The following SMCHD1 variants were observed in gnomAD, a reference collection of about 807,000 sequenced individuals.
SMCHD1 encodes structural maintenance of chromosomes flexible hinge domain-containing protein 1.
Under a neutral mutation model 254.7 loss-of-function variants are expected in SMCHD1, and 78 were observed. The ratio of observed to expected loss-of-function variants is 0.31; its 90% CI spans 0.26 to 0.37. SMCHD1 has a LOEUF of 0.37. Ranked by LOEUF, SMCHD1 falls within the 10% of genes least tolerant of loss-of-function variation. The pLI is 1.00. For missense variants in SMCHD1, 1,840 were observed against 2,408.1 expected (o/e 0.76, Z 4.94); for synonymous variants, 766 against 794.9 (o/e 0.96, Z 0.61).
At chr18:2,673,088 T>C (rs1170970483) in intron 3 of SMCHD1, 193 bp from the exon 4 acceptor site, 3 of 985,342 alleles carry the variant, frequency 3.0e-6, no homozygotes, top group East Asian at 2.3e-4. Context: ...AAGTACTGAT[T>C]GATGACTGCT....
Position 2,655,932 on chromosome 18 carries a change from C to A in SMCHD1, c.-144C>A. The stretch of plus-strand genomic sequence containing the variant: ...CTCGCGCCTGCCGCTGCTCGGCCGC[C>A]GCCGCTGACGAGGAGCTGCAGCGCG... On this transcript the variant is annotated 5_prime_UTR_variant, in exon 1 of 48. Coordinates refer to ENST00000320876, the MANE Select transcript of SMCHD1 (RefSeq NM_015295.3). The A allele has an allele frequency of 1.8e-6, 1 of 544,334 alleles. No individual in the cohort carries two copies. The highest frequency in any genetic ancestry group is 2.7e-6 in the Non-Finnish European group (1 of 364,244). The allele number at this position is 544,334 out of a possible 1,614,324, so 33.7% of individuals were successfully genotyped here. A position where few individuals can be genotyped will look rare whatever the true frequency, so the allele number is the denominator to read the frequency against.
intron 5 of SMCHD1, among the ~76,000 whole-genome samples, 168 bp downstream of exon 5, chr18:2,674,313 A>G (rs2073691174): frequency 6.6e-6 from 1 of 152,204 alleles, no homozygotes; most frequent in African/African-American, 2.4e-5. Context: ...TCAGAAATAG[A>G]ACTATGTAAT....
At chr18:2,736,221 G>C (rs1445251979) in intron 25 of SMCHD1, among the ~76,000 whole-genome samples, 3 of 152,142 alleles carry the variant, frequency 2.0e-5, no homozygotes, top group Admixed American at 1.3e-4. Context: ...AAGAATGAAA[G>C]TGGATCCCTA....
chr18:2,705,860 A>C (rs760975616), intron 14 of SMCHD1, 53 bp downstream of exon 14: 1 of 1,104,686 alleles, frequency 9.1e-7, no homozygotes, highest in African/African-American at 1.5e-5. Flanking sequence ...ACACTTTTGC[A>C]TAATTGTTAA....
chr18:2,764,301 G>T (rs1245665816), intron 37 of SMCHD1, among the ~76,000 whole-genome samples: 1 of 152,118 alleles, frequency 6.6e-6, no homozygotes, highest in Admixed American at 6.5e-5. Flanking sequence ...AATGCTGCCT[G>T]CATACCATGT....
At chr18:2,704,102 C>A (rs2074462012) in intron 13 of SMCHD1, among the ~76,000 whole-genome samples, 1 of 151,848 alleles carries the variant, frequency 6.6e-6, no homozygotes. Flanking sequence ...TTTTTAGATT[C>A]AATTTTTAGT....
At chr18:2,773,052 A>G (rs578007058) in intron 41 of SMCHD1, among the ~76,000 whole-genome samples, 56 of 152,320 alleles carry the variant, frequency 3.7e-4, no homozygotes, top group African/African-American at 1.3e-3. Context: ...GGTCTCTCTG[A>G]CTCTAAAGTC....
chr18:2,795,733 T>C (rs1268882733), intron 45 of SMCHD1, among the ~76,000 whole-genome samples: 1 of 152,212 alleles, frequency 6.6e-6, no homozygotes, highest in Non-Finnish European at 1.5e-5. Context: ...AGAAGTAAAC[T>C]TAAGTCAAAC....
chr18:2,669,149 C>T (rs9945886), intron 3 of SMCHD1, among the ~76,000 whole-genome samples: 4,940 of 144,844 alleles, frequency 0.034, 263 homozygotes, highest in African/African-American at 0.11. Context: ...ACTTTAGGAC[C>T]GGCCTGGGGG....
intron 15 of SMCHD1, among the ~76,000 whole-genome samples, chr18:2,707,048 G>A (rs1281619339): frequency 6.6e-6 from 1 of 152,126 alleles, no homozygotes. Flanking sequence ...AACAGCATGG[G>A]GGAAACCATT....
At chr18:2,743,444 G>A (rs1272810603) in intron 28 of SMCHD1, among the ~76,000 whole-genome samples, 2 of 152,050 alleles carry the variant, frequency 1.3e-5, no homozygotes, top group Non-Finnish European at 2.9e-5. Flanking sequence ...CAAACAGAGG[G>A]AAAGAACAAG....
chr18:2,705,058 G>A (rs2074483454), intron 13 of SMCHD1, among the ~76,000 whole-genome samples: 1 of 151,522 alleles, frequency 6.6e-6, no homozygotes, highest in African/African-American at 2.4e-5. Context: ...CTTTCTAGAA[G>A]GTAATCTGAG....
intron 19 of SMCHD1, among the ~76,000 whole-genome samples, chr18:2,721,015 G>A (rs537336865): frequency 7.2e-5 from 11 of 152,256 alleles, no homozygotes; most frequent in Middle Eastern, 3.4e-3. Flanking sequence ...GAGGAGGGTC[G>A]TTGACTAGCA....
Position 2,796,111 on chromosome 18 carries a change from A to G in SMCHD1, c.5878+4A>G. On this transcript the variant is annotated splice_donor_region_variant and intron_variant, in intron 46 of 47. Coordinates refer to ENST00000320876, the MANE Select transcript of SMCHD1 (RefSeq NM_015295.3). ...AAACTAATAGAGGAAAAACTAGGTA[A>G]GTCTTTGCTTTTTGTTAACTTCTAC... 6.5e-7 allele frequency: 1 copy of G among 1,531,808 alleles called. No individual in the cohort carries two copies. The highest frequency in any genetic ancestry group is 8.7e-7 in the Non-Finnish European group (1 of 1,143,272). 94.9% of individuals were successfully genotyped at this position (1,531,808 alleles called of 1,614,324 possible). A position where few individuals can be genotyped will look rare whatever the true frequency, so the allele number is the denominator to read the frequency against.
intron 45 of SMCHD1, among the ~76,000 whole-genome samples, chr18:2,787,833 G>A (rs554016300): frequency 6.6e-6 from 1 of 152,182 alleles, no homozygotes; most frequent in African/African-American, 2.4e-5. Flanking sequence ...TAGCAGCCAT[G>A]CATGACTACT....
In SMCHD1 at chr18:2,789,944, G is replaced by A. The variant is rs566563528; in HGVS notation, c.5719+5323G>A. On this transcript the variant is annotated intron_variant, in intron 45 of 47. Coordinates refer to ENST00000320876, the MANE Select transcript of SMCHD1 (RefSeq NM_015295.3). The stretch of plus-strand genomic sequence containing the variant: ...CACGCCTGTAATCCCAACACTTTGG[G>A]AGGCCGAGGCGGGTGGATCACGAGG... Among the ~76,000 whole-genome samples the A allele has an allele frequency of 1.1e-4, 17 of 152,354 alleles. No individual in the cohort carries two copies. In the South Asian group the frequency reaches 3.3e-3, roughly 30 times the overall value.
intron 5 of SMCHD1, among the ~76,000 whole-genome samples, chr18:2,687,390 G>C (rs1289892440): frequency 2.0e-5 from 3 of 152,148 alleles, no homozygotes; most frequent in African/African-American, 7.2e-5. Flanking sequence ...TAGGTTAACA[G>C]ATTTTTTTCA....
At position 2,740,846 on chromosome 18, in the gene SMCHD1, T is replaced by C. The variant is rs1331373803; in HGVS notation, c.3633+25T>C. 7 of 1,414,792 alleles carry C rather than the reference T, an allele frequency of 4.9e-6. No individual in the cohort carries two copies. In the South Asian group the frequency reaches 8.6e-5, roughly 17 times the overall value. 87.6% of individuals were successfully genotyped at this position (1,414,792 alleles called of 1,614,324 possible). A position where few individuals can be genotyped will look rare whatever the true frequency, so the allele number is the denominator to read the frequency against. ...GGTATGGCTACTTTCTATACCATTT[T>C]GGTTTGATTTATTCATTGTTATATG... On this transcript the variant is annotated intron_variant, in intron 28 of 47. Transcript: ENST00000320876.
chr18:2,707,475 T>G (rs1042507428), intron 15 of SMCHD1, 88 bp from the exon 16 acceptor site: 29 of 735,736 alleles, frequency 3.9e-5, no homozygotes, highest in Admixed American at 5.5e-5. Context: ...CAGCAATAAA[T>G]ATTTAAGTTT....
Sources: gnomAD v4.1 joint callset for allele counts (sites outside exome capture counted in the v4.1 genomes callset) on GRCh38, gnomAD v4.1.1 for gene constraint, MANE v1.5 for transcripts, NCBI Gene and HGNC (gene_info 2026-07-23, HGNC 2026-07-21) for gene names.